CNBD1: variants seen among roughly 807,000 people sequenced by gnomAD.
CNBD1 encodes the protein cyclic nucleotide-binding domain-containing protein 1.
A neutral mutation model predicts 54.4 loss-of-function variants in CNBD1; 71 were observed. That is an observed-to-expected ratio of 1.30 (90% CI 1.08 to 1.59). The LOEUF is 1.59. Among genes scored for constraint, CNBD1 ranks in the 40% most tolerant of loss-of-function variants. The pLI is 0.00. For missense variants in CNBD1, 659 were observed against 518.0 expected, an observed-to-expected ratio of 1.27 and a Z score of -2.64; for synonymous variants, 182 against 170.7, an observed-to-expected ratio of 1.07 and a Z score of -0.51.
chr8:87,321,761 T>C (rs1809538902), intron 8 of CNBD1, among the ~76,000 whole-genome samples: 1 of 151,876 alleles, frequency 6.6e-6, no homozygotes, highest in African/African-American at 2.4e-5. Context: ...CAAGAAATCA[T>C]TGCCAAGACC....
chr8:87,129,132 C>G (rs1586275898), intron 4 of CNBD1, among the ~76,000 whole-genome samples: 1 of 127,614 alleles, frequency 7.8e-6, no homozygotes, highest in Admixed American at 8.7e-5. Context: ...CTGTAATTTT[C>G]TTTTTTGGTA....
At chr8:87,122,424 A>G (rs990615971) in intron 4 of CNBD1, among the ~76,000 whole-genome samples, 1 of 151,738 alleles carries the variant, frequency 6.6e-6, no homozygotes, top group African/African-American at 2.4e-5. Context: ...TGAGTTTATT[A>G]CATACTTTGG....
chr8:87,356,222 A>G (rs1312111146), intron 10 of CNBD1, among the ~76,000 whole-genome samples: 2 of 152,198 alleles, frequency 1.3e-5, no homozygotes, highest in Admixed American at 6.5e-5. Flanking sequence ...ATAAAGATAC[A>G]TGAAAATGGG....
intron 4 of CNBD1, among the ~76,000 whole-genome samples, chr8:86,960,216 G>T (rs538422884): frequency 6.6e-6 from 1 of 152,282 alleles, no homozygotes; most frequent in Non-Finnish European, 1.5e-5. Flanking sequence ...CAAGGGGTCA[G>T]GGAATTCCCT....
chr8:87,335,547 C>T (rs1809926960), intron 8 of CNBD1, among the ~76,000 whole-genome samples: 3 of 151,980 alleles, frequency 2.0e-5, no homozygotes, highest in Admixed American at 1.3e-4. Flanking sequence ...TTCTGCTCTC[C>T]ATTTTTTTGG....
intron 2 of CNBD1, among the ~76,000 whole-genome samples, chr8:87,389,216 C>T (rs1811256931): frequency 6.6e-6 from 1 of 152,150 alleles, no homozygotes; most frequent in Admixed American, 6.5e-5. Context: ...TCTCTCACCG[C>T]TGCTATTCAA....
At chr8:86,952,230 G>A (rs1237367791) in intron 4 of CNBD1, among the ~76,000 whole-genome samples, 1 of 151,932 alleles carries the variant, frequency 6.6e-6, no homozygotes, top group Non-Finnish European at 1.5e-5. Flanking sequence ...GACCACTTTG[G>A]GCACATGTTG....
At chr8:86,907,038 G>A (rs1809028301) in intron 3 of CNBD1, among the ~76,000 whole-genome samples, 1 of 152,214 alleles carries the variant, frequency 6.6e-6, no homozygotes, top group African/African-American at 2.4e-5. Flanking sequence ...ATGTTTTGCT[G>A]TAGAGCTAAC....
At position 87,344,254 on chromosome 8, in the gene CNBD1, AGTG is replaced by A. The variant is rs59403068; in HGVS notation, c.1043-7428_1043-7426del. Among the ~76,000 whole-genome samples, 1,047 of 152,226 alleles carry A rather than the reference AGTG, an allele frequency of 6.9e-3. 11 individuals carry two copies. Among genetic ancestry groups the A allele is most frequent in the African/African-American group, 0.024 (988 of 41,582 alleles). On this transcript the variant is annotated intron_variant, in intron 8 of 10. Coordinates refer to ENST00000518476, the MANE Select transcript of CNBD1 (RefSeq NM_173538.3). ...AAATATGGGTAAGCAATTTTTATTC[AGTG>A]GTTCTATATACAAAATAATGAGATT...
intron 2 of CNBD1, among the ~76,000 whole-genome samples, chr8:87,398,584 G>A (rs192178784): frequency 2.0e-5 from 3 of 151,808 alleles, no homozygotes; most frequent in Admixed American, 6.6e-5. Context: ...CCATAAAACC[G>A]TGGATTGCTT....
intron 8 of CNBD1, among the ~76,000 whole-genome samples, chr8:87,313,847 T>C (rs28721895): frequency 6.6e-5 from 10 of 152,044 alleles, no homozygotes; most frequent in African/African-American, 2.4e-4. Flanking sequence ...AAGGAAAACA[T>C]GTCAGCAACA....
chr8:87,234,184 G>A (rs993397785), intron 5 of CNBD1, among the ~76,000 whole-genome samples: 1 of 152,008 alleles, frequency 6.6e-6, no homozygotes, highest in African/African-American at 2.4e-5. Flanking sequence ...CCAAAGCCTT[G>A]AACCCCTCAA....
At chr8:86,893,499 T>G (rs761213835) in intron 2 of CNBD1, among the ~76,000 whole-genome samples, 1 of 152,180 alleles carries the variant, frequency 6.6e-6, no homozygotes, top group Admixed American at 6.5e-5. Context: ...TTAAACTTAC[T>G]CAAATTAGAG....
At chr8:87,387,816 C>A (rs1364240318), downstream of CNBD1, among the ~76,000 whole-genome samples, 1 of 152,146 alleles carries the variant, frequency 6.6e-6, no homozygotes, top group Non-Finnish European at 1.5e-5. Flanking sequence ...CTTTTCAGCA[C>A]CACACCACAC....
At chr8:87,428,154 G>T (rs12678262) in intron 2 of CNBD1, among the ~76,000 whole-genome samples, 1 of 138,720 alleles carries the variant, frequency 7.2e-6, no homozygotes, top group Non-Finnish European at 1.6e-5. Context: ...GGCAAAAAAA[G>T]AAAAAAAAAA....
At chr8:87,187,470 CTT>C (rs5893014) in intron 4 of CNBD1, among the ~76,000 whole-genome samples, 8 of 141,828 alleles carry the variant, frequency 5.6e-5, no homozygotes, top group Non-Finnish European at 7.7e-5. Flanking sequence ...ATATCCTTCT[CTT>C]TTTTTTTTTT....
chr8:86,985,127 G>A (rs1586180311), intron 4 of CNBD1, among the ~76,000 whole-genome samples: 2 of 152,134 alleles, frequency 1.3e-5, no homozygotes, highest in African/African-American at 4.8e-5. Context: ...TTTTAAAAAG[G>A]AGATTTTCCC....
intron 4 of CNBD1, among the ~76,000 whole-genome samples, chr8:86,963,028 A>G (rs13259108): frequency 2.0e-5 from 3 of 152,146 alleles, no homozygotes; most frequent in Non-Finnish European, 4.4e-5. Context: ...CTGGTTACCC[A>G]TCTGGAAAGA....
At chr8:86,903,713 T>G (rs1808973347) in intron 2 of CNBD1, among the ~76,000 whole-genome samples, 1 of 151,998 alleles carries the variant, frequency 6.6e-6, no homozygotes, top group Admixed American at 6.6e-5. Flanking sequence ...ATAAAGTATC[T>G]CAAATAAAGT....
Sources: allele counts gnomAD v4.1 joint callset (sites outside exome capture counted in the v4.1 genomes callset), GRCh38; gene constraint gnomAD v4.1.1; transcripts MANE v1.5; gene names NCBI Gene and HGNC (gene_info 2026-07-23, HGNC 2026-07-21).